Variants in TENM2 observed in about 807,000 individuals in gnomAD.
TENM2 encodes the protein teneurin-2.
A neutral mutation model predicts 245.2 loss-of-function variants in TENM2; 52 were observed. The ratio of observed to expected loss-of-function variants is 0.21; its 90% CI spans 0.17 to 0.27. The LOEUF (loss-of-function observed/expected upper bound fraction) is 0.27, where lower values mean the gene tolerates loss of function less well. Among genes scored for constraint, TENM2 ranks in the 10% least tolerant of loss-of-function variants. The pLI, the probability that TENM2 is intolerant of heterozygous loss-of-function variation, is 1.00. For missense variants in TENM2, 3,046 were observed against 3,666.8 expected (o/e 0.83, Z 4.37); for synonymous variants, 1,363 against 1,438.9 (o/e 0.95, Z 1.19).
At chr5:167,692,373 G>C (rs1757489473) in intron 2 of TENM2, among the ~76,000 whole-genome samples, 1 of 152,156 alleles carries the variant, frequency 6.6e-6, no homozygotes, top group South Asian at 2.1e-4. Flanking sequence ...TGGAAACACA[G>C]TTTCCAGATC....
intron 1 of TENM2, among the ~76,000 whole-genome samples, chr5:167,365,591 TAA>T (rs559470484): frequency 2.6e-5 from 4 of 151,832 alleles, no homozygotes; most frequent in African/African-American, 9.7e-5. Context: ...TTACACATAT[TAA>T]AAAAAGTCAT....
chr5:167,864,956 G>A (rs1013157908), intron 2 of TENM2, among the ~76,000 whole-genome samples: 3 of 152,112 alleles, frequency 2.0e-5, no homozygotes, highest in African/African-American at 7.2e-5. Context: ...CCTTTGCATC[G>A]TGGAACATAT....
intron 2 of TENM2, among the ~76,000 whole-genome samples, chr5:167,447,751 C>T (rs1200662636): frequency 6.6e-6 from 1 of 152,164 alleles, no homozygotes. Flanking sequence ...CTCTACTAAA[C>T]AGTTAATGTA....
At chr5:168,042,781 G>C (rs966541446) in intron 5 of TENM2, among the ~76,000 whole-genome samples, 1 of 152,154 alleles carries the variant, frequency 6.6e-6, no homozygotes. Context: ...CCACCATCCT[G>C]TCTTGGTTCC....
the TENM2 span, among the ~76,000 whole-genome samples, chr5:167,143,640 G>A: frequency 1.3e-5 from 2 of 152,152 alleles, no homozygotes; most frequent in Non-Finnish European, 2.9e-5. Context: ...TAACCACTGA[G>A]TTGAAGTCTG....
chr5:167,088,672 A>T, the TENM2 span, among the ~76,000 whole-genome samples: 1 of 152,042 alleles, frequency 6.6e-6, no homozygotes, highest in Admixed American at 6.6e-5. Flanking sequence ...TTAGAAAGCT[A>T]TTTATTTTTT....
intron 1 of TENM2, among the ~76,000 whole-genome samples, chr5:167,349,584 T>A (rs994277798): frequency 2.0e-5 from 3 of 152,056 alleles, no homozygotes; most frequent in Non-Finnish European, 2.9e-5. Flanking sequence ...TTCTCAATTA[T>A]CTTATTGTAA....
chr5:167,125,260 T>C, the TENM2 span, among the ~76,000 whole-genome samples: 2 of 152,228 alleles, frequency 1.3e-5, no homozygotes, highest in African/African-American at 4.8e-5. Context: ...AGAACTCTGC[T>C]CACTCTCACA....
intron 12 of TENM2, among the ~76,000 whole-genome samples, chr5:168,142,036 A>G (rs1304811330): frequency 2.6e-5 from 4 of 152,262 alleles, no homozygotes; most frequent in Non-Finnish European, 2.9e-5. Flanking sequence ...TGCCAAATCC[A>G]GTAAAACCGA....
intron 5 of TENM2, among the ~76,000 whole-genome samples, chr5:168,041,466 C>T (rs895415091): frequency 6.6e-6 from 1 of 152,150 alleles, no homozygotes; most frequent in East Asian, 1.9e-4. Context: ...CACTCCCCTT[C>T]GGCGTGCTCT....
At chr5:168,240,480 T>C (rs1309463595) in intron 25 of TENM2, among the ~76,000 whole-genome samples, 2 of 152,210 alleles carry the variant, frequency 1.3e-5, no homozygotes, top group African/African-American at 4.8e-5. Context: ...TAAACCCATC[T>C]ATATCTTGTG....
chr5:168,172,910 G>A (rs1169711963), intron 13 of TENM2, among the ~76,000 whole-genome samples: 1 of 152,140 alleles, frequency 6.6e-6, no homozygotes, highest in Admixed American at 6.5e-5. Flanking sequence ...CTGGGGGATT[G>A]GAGAGGGGCC....
chr5:167,274,935 C>G, the TENM2 span, among the ~76,000 whole-genome samples: 2 of 151,946 alleles, frequency 1.3e-5, no homozygotes, highest in African/African-American at 4.8e-5. Context: ...TTTGTACATA[C>G]ATTCCTGTCT....
the TENM2 span, among the ~76,000 whole-genome samples, chr5:167,233,524 C>T: frequency 6.6e-6 from 1 of 152,162 alleles, no homozygotes; most frequent in Admixed American, 6.5e-5. Context: ...GAGTTGACTG[C>T]TGTTTAGCAG....
At chr5:167,143,598 G>A in the TENM2 span, among the ~76,000 whole-genome samples, 1 of 152,168 alleles carries the variant, frequency 6.6e-6, no homozygotes, top group Non-Finnish European at 1.5e-5. Context: ...AAAGCATGAA[G>A]TGGTTGCTAG....
intron 27 of TENM2, among the ~76,000 whole-genome samples, chr5:168,258,450 G>A (rs138326151): frequency 2.7e-4 from 41 of 152,190 alleles, no homozygotes; most frequent in East Asian, 7.7e-4. Context: ...GCAGTGAGCC[G>A]AAATCGCGCC....
Position 167,599,051 on chromosome 5 carries a change from A to G in TENM2, c.502+223578A>G, listed in dbSNP as rs556878787. ...GCTATAAAATGAATGCTTGGAGTAG[A>G]GGAACATGGAAGCAGACATTAAAAG... On this transcript the variant is annotated intron_variant, in intron 2 of 28. Transcript: ENST00000518659. Among the ~76,000 whole-genome samples, 12 of 152,300 alleles carry G rather than the reference A, an allele frequency of 7.9e-5. No individual in the cohort carries two copies. The South Asian group carries it at 2.3e-3, about 29-fold the overall frequency.
intron 2 of TENM2, among the ~76,000 whole-genome samples, chr5:167,511,955 T>G (rs555330024): frequency 3.3e-5 from 5 of 152,300 alleles, no homozygotes; most frequent in Non-Finnish European, 7.4e-5. Context: ...AGAAAGTCAT[T>G]GTCAGCCTTT....
At chr5:167,509,444 A>G (rs948356215) in intron 2 of TENM2, among the ~76,000 whole-genome samples, 1 of 152,198 alleles carries the variant, frequency 6.6e-6, no homozygotes, top group Non-Finnish European at 1.5e-5. Flanking sequence ...CGTTTGCTCT[A>G]CAGATTTATT....
Sources: allele counts gnomAD v4.1 joint callset (sites outside exome capture counted in the v4.1 genomes callset), GRCh38; gene constraint gnomAD v4.1.1; transcripts MANE v1.5; gene names NCBI Gene and HGNC (gene_info 2026-07-23, HGNC 2026-07-21).